The following LRRIQ4 variants were observed in gnomAD, a reference collection of about 807,000 sequenced individuals.
LRRIQ4 encodes the protein leucine rich repeats and IQ motif containing 4.
A neutral mutation model predicts 40.1 loss-of-function variants in LRRIQ4; 21 were observed. The ratio of observed to expected loss-of-function variants is 0.52; its 90% confidence interval spans 0.37 to 0.75. The LOEUF (loss-of-function observed/expected upper bound fraction) is 0.75. Ranked by LOEUF, LRRIQ4 falls within the 30% of genes least tolerant of loss-of-function variation. The pLI is 0.00. For synonymous variants in LRRIQ4, 277 were observed against 277.1 expected (o/e 1.00, Z 0.00); for missense variants, 655 against 660.0 (o/e 0.99, Z 0.08).
chr3:169,813,444 T>A (rs2108259230), intron 1 of LRRIQ4, among the ~76,000 whole-genome samples: 1 of 152,346 alleles, frequency 6.6e-6, no homozygotes, highest in South Asian at 2.1e-4. Flanking sequence ...ATTTCCTTGA[T>A]ACTGAAATGG....
At chr3:169,828,229 T>G (rs192636171) in intron 2 of LRRIQ4, among the ~76,000 whole-genome samples, 65 of 151,956 alleles carry the variant, frequency 4.3e-4, no homozygotes, top group African/African-American at 1.4e-3. Flanking sequence ...AGGTTAAAAA[T>G]TGCTCCAATT....
intron 1 of LRRIQ4, among the ~76,000 whole-genome samples, chr3:169,813,696 G>A (rs956623053): frequency 6.6e-6 from 1 of 152,224 alleles, no homozygotes; most frequent in East Asian, 1.9e-4. Context: ...TTTGTAACGG[G>A]GTCTTTGAGC....
At position 169,821,885 on chromosome 3, in the gene LRRIQ4, T is replaced by G. The variant is rs769033348; in HGVS notation, c.-31-6T>G. On this transcript the variant is annotated splice_polypyrimidine_tract_variant and splice_region_variant and intron_variant, in intron 1 of 5. Transcript: ENST00000340806. Reference sequence around the variant, plus strand: ...ATTTTTTTTCATCCTTTTCACAATATTTCAGATTTTGAATATTTGAGCTTT... The same window carrying G: ...ATTTTTTTTCATCCTTTTCACAATAGTTCAGATTTTGAATATTTGAGCTTT... The G allele has an allele frequency of 3.4e-5, 45 of 1,340,120 alleles. No individual in the cohort carries two copies. Among genetic ancestry groups the G allele is most frequent in the Non-Finnish European group, 4.2e-5 (43 of 1,020,402 alleles). The allele number at this position is 1,340,120 out of a possible 1,614,324, so 83.0% of individuals were successfully genotyped here.
At position 169,822,741 on chromosome 3, in the gene LRRIQ4, C is replaced by T. The variant is rs1779940187; in HGVS notation, c.820C>T (p.Arg274Cys). The change falls in exon 2 of 6, where the codon CGC becomes TGC. Residue 274 changes from arginine to cysteine, a missense_variant. Physicochemically the swap from Arg to Cys is radical, Grantham distance 180. Transcript: ENST00000340806. ...LSGNRLEKVPRLICRWTSLHL... is the reference protein window; with the variant it reads ...LSGNRLEKVPCLICRWTSLHL... ...CGGGAACCGCCTGGAGAAGGTGCCA[C>T]GCCTCATTTGCAGGTGGACCTCGCT... The T allele has an allele frequency of 6.2e-7, 1 of 1,613,794 alleles. No homozygotes were observed. Among genetic ancestry groups the T allele is most frequent in the Non-Finnish European group, 8.5e-7 (1 of 1,179,766 alleles).
At chr3:169,819,332 T>C (rs1005526909) in intron 1 of LRRIQ4, among the ~76,000 whole-genome samples, 1 of 152,170 alleles carries the variant, frequency 6.6e-6, no homozygotes, top group Non-Finnish European at 1.5e-5. Context: ...ATGGGGTATA[T>C]GATTAAGGTG....
At chr3:169,820,560 G>A (rs149648853) in intron 1 of LRRIQ4, among the ~76,000 whole-genome samples, 2,047 of 142,362 alleles carry the variant, frequency 0.014, 51 homozygotes, top group African/African-American at 0.051. Context: ...TTTTTGAGAC[G>A]GAGTCTCGCT....
intron 2 of LRRIQ4, among the ~76,000 whole-genome samples, chr3:169,823,747 T>C (rs774068361): frequency 1.3e-5 from 2 of 152,122 alleles, no homozygotes; most frequent in Non-Finnish European, 2.9e-5. Flanking sequence ...GTTCCATCCA[T>C]AGGAAACTGC....
At chr3:169,824,759 C>T (rs575985266) in intron 2 of LRRIQ4, among the ~76,000 whole-genome samples, 3 of 152,032 alleles carry the variant, frequency 2.0e-5, no homozygotes, top group South Asian at 4.2e-4. Context: ...GTGATCCACC[C>T]GTTTTGGCCT....
At chr3:169,829,985 A>G (rs183923845) in intron 3 of LRRIQ4, among the ~76,000 whole-genome samples, 2 of 152,286 alleles carry the variant, frequency 1.3e-5, no homozygotes, top group East Asian at 3.9e-4. Context: ...TCATGCCACA[A>G]TCTTAGGGTG....
chr3:169,833,072 A>G lies in LRRIQ4; in HGVS notation c.1419A>G (p.Thr473=), dbSNP rs143367830. ...LDSLVNLKVL[T]LMDNPMEEPP... ...CCCTAGTGAATCTTAAGGTTCTGAC[A>G]CTGATGGACAATCCCATGGAAGAAC... The change falls in exon 5 of 6, where the codon ACA becomes ACG. Residue 473 remains threonine (T), a synonymous_variant. Coordinates refer to ENST00000340806, the MANE Select transcript of LRRIQ4 (RefSeq NM_001080460.3). 1.6e-4 allele frequency: 256 copies of G among 1,613,980 alleles called. No individual in the cohort carries two copies. The African/African-American group carries it at 2.3e-3, about 14-fold the overall frequency.
chr3:169,819,094 G>A (rs74682873), intron 1 of LRRIQ4, among the ~76,000 whole-genome samples: 5 of 152,086 alleles, frequency 3.3e-5, no homozygotes, highest in East Asian at 1.9e-4. Flanking sequence ...AAAATCACCC[G>A]ACCATAATAT....
intron 1 of LRRIQ4, among the ~76,000 whole-genome samples, chr3:169,818,849 T>C (rs10936602): frequency 0.27 from 41,038 of 152,108 alleles, 6,099 homozygotes; most frequent in East Asian, 0.64. Context: ...AATGGGTTTT[T>C]ATGCTAACAG....
intron 2 of LRRIQ4, among the ~76,000 whole-genome samples, chr3:169,823,611 G>T (rs1779969025): frequency 6.6e-6 from 1 of 152,176 alleles, no homozygotes; most frequent in Non-Finnish European, 1.5e-5. Flanking sequence ...CTCCCAAAGT[G>T]CTGGGATTAC....
In LRRIQ4 at chr3:169,828,802, G is replaced by A. The variant is rs1780098305; in HGVS notation, c.1064G>A (p.Gly355Glu). 1 of 1,613,516 alleles carries A rather than the reference G, an allele frequency of 6.2e-7. No individual in the cohort carries two copies. The highest frequency in any genetic ancestry group is 2.2e-5 in the East Asian group (1 of 44,862). The stretch of plus-strand genomic sequence containing the variant: ...TCACTTTCAAAACTGAAGATACTTG[G>A]ACTAACAGGAAATGAGTTCCTTTCC... ...LGSLSKLKIL[G>E]LTGNEFLSFP... Residue 355 changes from glycine to glutamate, a missense_variant, in exon 3 of 6, where the codon GGA (glycine) becomes GAA (glutamate). Gly to Glu is a moderately conservative substitution (Grantham distance 98). Coordinates refer to ENST00000340806, the MANE Select transcript of LRRIQ4 (RefSeq NM_001080460.3).
chr3:169,827,962 G>T (rs767945516), intron 2 of LRRIQ4, among the ~76,000 whole-genome samples: 6 of 152,174 alleles, frequency 3.9e-5, no homozygotes, highest in Non-Finnish European at 7.4e-5. Flanking sequence ...AACATGACAC[G>T]ATAGGATCAT....
chr3:169,833,880 C>T (rs1243461123), intron 5 of LRRIQ4, among the ~76,000 whole-genome samples: 1 of 152,188 alleles, frequency 6.6e-6, no homozygotes, highest in African/African-American at 2.4e-5. Flanking sequence ...TCCGTAAAAC[C>T]CCCTCTCAAT....
At position 169,823,150 on chromosome 3, in the gene LRRIQ4, G is replaced by T. The variant is rs1322212975; in HGVS notation, c.1020+209G>T. On this transcript the variant is annotated intron_variant, in intron 2 of 5. Transcript: ENST00000340806. Reference sequence around the variant, plus strand: ...ATAGTAGCTAATGTTTATTTAGAGGGTGTATGTGCCAGTCACTGAGCTAAG... The same window carrying T: ...ATAGTAGCTAATGTTTATTTAGAGGTTGTATGTGCCAGTCACTGAGCTAAG... Among the ~76,000 whole-genome samples the T allele has an allele frequency of 2.6e-5, 4 of 152,144 alleles. No individual in the cohort carries two copies. In the South Asian group the frequency reaches 6.2e-4, roughly 24 times the overall value.
chr3:169,816,201 C>T lies in LRRIQ4; in HGVS notation c.-32+3155C>T, dbSNP rs574810244. ...AACGAATTTGGAAGTAGTTTTTCCT[C>T]CTCTATTTTTCAGAACAGCTTGAGT... is the stretch of plus-strand genomic sequence containing the variant. On this transcript the variant is annotated intron_variant, in intron 1 of 5. Coordinates refer to ENST00000340806, the MANE Select transcript of LRRIQ4 (RefSeq NM_001080460.3). 5.3e-5 allele frequency among the ~76,000 whole-genome samples: 8 copies of T among 152,212 alleles called. No individual in the cohort carries two copies. The South Asian group carries it at 6.2e-4, about 12-fold the overall frequency.
chr3:169,832,631 C>CAAAA (rs3047516), intron 4 of LRRIQ4, among the ~76,000 whole-genome samples: 71 of 67,178 alleles, frequency 1.1e-3, no homozygotes, highest in African/African-American at 1.8e-3. Context: ...GACTCTGTCT[C>CAAAA]AAAAAAAAAA....
Sources: allele counts gnomAD v4.1 joint callset (sites outside exome capture counted in the v4.1 genomes callset), GRCh38; gene constraint gnomAD v4.1.1; transcripts MANE v1.5; gene names NCBI Gene and HGNC (gene_info 2026-07-23, HGNC 2026-07-21).